The following NEGR1 variants were observed in gnomAD, a reference collection of about 807,000 sequenced individuals.
NEGR1 encodes IgLON family member 4.
In NEGR1, 10 loss-of-function variants were observed where a neutral mutation model predicts 40.9. The ratio of observed to expected loss-of-function variants is 0.24; its 90% CI spans 0.15 to 0.42. The LOEUF (loss-of-function observed/expected upper bound fraction) is 0.42. Ranked by LOEUF, NEGR1 falls within the 10% of genes least tolerant of loss-of-function variation. The probability of loss-of-function intolerance (pLI) is 1.00; values close to 1 mark genes in which losing one functional copy is unlikely to be tolerated. For synonymous variants in NEGR1, 185 were observed against 166.8 expected (o/e 1.11, Z -0.84); for missense variants, 352 against 438.9 (o/e 0.80, Z 1.77).
rs34844215 is a variant in NEGR1, at chr1:71,571,787, C to CAAAA, written c.940+21026_940+21029dup. ...TGGGTGACAGAGGGAGCCCCTGTCT[C>CAAAA]AAAAAAAAAAAAAAAAAAAAAATCT... On this transcript the variant is annotated intron_variant, in intron 6 of 6. Transcript: ENST00000357731. Among the ~76,000 whole-genome samples, 500 of 106,474 alleles carry CAAAA rather than the reference C, an allele frequency of 4.7e-3. 9 individuals carry two copies. The highest frequency in any genetic ancestry group is 0.018 in the African/African-American group (490 of 27,272). The allele number at this position is 106,474 out of a possible 152,430, so 69.9% of individuals were successfully genotyped here.
intron 1 of NEGR1, among the ~76,000 whole-genome samples, chr1:72,120,476 A>C (rs1195725823): frequency 6.6e-6 from 1 of 151,972 alleles, no homozygotes; most frequent in Non-Finnish European, 1.5e-5. Flanking sequence ...TTAATGTTTT[A>C]TATATCTGCA....
rs375946524 is a variant in NEGR1, at chr1:71,940,248, A to G, written c.177-4937T>C. 7.2e-5 allele frequency among the ~76,000 whole-genome samples: 11 copies of G among 152,312 alleles called. No individual in the cohort carries two copies. In the East Asian group the frequency reaches 2.1e-3, roughly 29 times the overall value. On this transcript the variant is annotated intron_variant, in intron 1 of 6. Transcript: ENST00000357731. Reference sequence around the variant, plus strand: ...TGAAATAATCTGAATAAAAATGTTCAATAATAAATATATCCTTTAATCGAG... The same window carrying G: ...TGAAATAATCTGAATAAAAATGTTCGATAATAAATATATCCTTTAATCGAG...
intron 1 of NEGR1, among the ~76,000 whole-genome samples, chr1:71,998,110 A>G (rs895546403): frequency 6.6e-6 from 1 of 151,970 alleles, no homozygotes; most frequent in Non-Finnish European, 1.5e-5. Flanking sequence ...CGTAAAGGAT[A>G]AACACTAGGA....
intron 1 of NEGR1, chr1:72,100,614 A>C (rs377396695): frequency 1.3e-5 from 2 of 152,188 alleles, no homozygotes; most frequent in African/African-American, 4.8e-5. Flanking sequence ...CATGCACATA[A>C]AACAGTTCTA....
chr1:71,592,569 T>A (rs1195564915), intron 6 of NEGR1, among the ~76,000 whole-genome samples: 1 of 152,216 alleles, frequency 6.6e-6, no homozygotes, highest in East Asian at 1.9e-4. Flanking sequence ...TTTATGTATT[T>A]TTTCCTTTCT....
At chr1:71,531,047 C>T (rs1647342707) in intron 6 of NEGR1, among the ~76,000 whole-genome samples, 1 of 151,200 alleles carries the variant, frequency 6.6e-6, no homozygotes, top group Admixed American at 6.6e-5. Flanking sequence ...TACACCCACC[C>T]CATTTTACAA....
intron 1 of NEGR1, among the ~76,000 whole-genome samples, chr1:72,260,256 G>T (rs1040894905): frequency 6.6e-6 from 1 of 152,002 alleles, no homozygotes; most frequent in Non-Finnish European, 1.5e-5. Context: ...TTTTTATATA[G>T]TATAAAGACA....
intron 1 of NEGR1, among the ~76,000 whole-genome samples, chr1:71,963,639 G>T (rs1026085223): frequency 1.3e-5 from 2 of 152,072 alleles, no homozygotes; most frequent in African/African-American, 4.8e-5. Flanking sequence ...GAATATGTGT[G>T]ATTATTTAAA....
At chr1:72,074,977 A>G (rs1431268290) in intron 1 of NEGR1, among the ~76,000 whole-genome samples, 5 of 152,132 alleles carry the variant, frequency 3.3e-5, no homozygotes, top group African/African-American at 1.2e-4. Flanking sequence ...ACATTTCTAA[A>G]TGCAATTTTA....
intron 4 of NEGR1, among the ~76,000 whole-genome samples, chr1:71,623,983 G>A (rs1316526217): frequency 8.6e-5 from 13 of 151,862 alleles, no homozygotes; most frequent in South Asian, 2.1e-4. Context: ...TAAAGAATAT[G>A]TTTGGGTTCC....
chr1:71,744,209 A>G (rs1028822368), intron 3 of NEGR1, among the ~76,000 whole-genome samples: 1 of 151,306 alleles, frequency 6.6e-6, no homozygotes, highest in African/African-American at 2.4e-5. Context: ...CAGGGTCCAA[A>G]TCTTTACTCT....
intron 1 of NEGR1, among the ~76,000 whole-genome samples, chr1:72,045,824 G>GA (rs869051239): frequency 7.2e-6 from 1 of 139,610 alleles, no homozygotes; most frequent in Admixed American, 7.4e-5. Flanking sequence ...GGAAAAATTA[G>GA]AAAAAAATAT....
chr1:71,931,427 C>A (rs752391812), intron 2 of NEGR1, among the ~76,000 whole-genome samples: 1 of 152,214 alleles, frequency 6.6e-6, no homozygotes, highest in Non-Finnish European at 1.5e-5. Flanking sequence ...TTTCCCAGAT[C>A]GGGTAATTTA....
At chr1:71,632,063 T>C (rs2101565281) in intron 4 of NEGR1, among the ~76,000 whole-genome samples, 1 of 151,690 alleles carries the variant, frequency 6.6e-6, no homozygotes, top group Non-Finnish European at 1.5e-5. Context: ...AAAAAATGAG[T>C]ACAAGGAAGG....
intron 1 of NEGR1, among the ~76,000 whole-genome samples, chr1:72,206,435 G>C (rs1365609998): frequency 2.0e-5 from 3 of 151,976 alleles, no homozygotes; most frequent in African/African-American, 7.2e-5. Flanking sequence ...ATTTTGCACA[G>C]GATGTTAAAG....
At chr1:72,104,205 C>T (rs1488338787) in intron 1 of NEGR1, among the ~76,000 whole-genome samples, 1 of 152,014 alleles carries the variant, frequency 6.6e-6, no homozygotes, top group Non-Finnish European at 1.5e-5. Context: ...CTAGAACTTT[C>T]CAATTGTTAC....
At chr1:71,592,712 G>A in intron 6 of NEGR1, 105 bp downstream of exon 6, 2 of 821,952 alleles carry the variant, frequency 2.4e-6, no homozygotes, top group Non-Finnish European at 3.9e-6. Flanking sequence ...TGTCACATCA[G>A]GTTGAGTTTT....
At chr1:72,236,914 C>T (rs759488332) in intron 1 of NEGR1, among the ~76,000 whole-genome samples, 9 of 151,748 alleles carry the variant, frequency 5.9e-5, no homozygotes, top group South Asian at 2.1e-4. Context: ...AAATATTTTG[C>T]GTTAATTCCA....
chr1:72,023,461 G>C (rs1646778597), intron 1 of NEGR1, among the ~76,000 whole-genome samples: 2 of 151,936 alleles, frequency 1.3e-5, no homozygotes, highest in South Asian at 4.2e-4. Flanking sequence ...AAGGCTTAGT[G>C]CTTTAAAATT....
Sources: allele counts gnomAD v4.1 joint callset (sites outside exome capture counted in the v4.1 genomes callset), GRCh38; gene constraint gnomAD v4.1.1; transcripts MANE v1.5; gene names NCBI Gene and HGNC (gene_info 2026-07-23, HGNC 2026-07-21).